PAK2: variants seen among roughly 807,000 people sequenced by gnomAD.
PAK2 encodes p21 (RAC1) activated kinase 2, also known as serine/threonine-protein kinase PAK 2.
A neutral mutation model predicts 65.9 loss-of-function variants in PAK2; 21 were observed. That is an observed-to-expected ratio of 0.32 (90% CI 0.23 to 0.46). The LOEUF (loss-of-function observed/expected upper bound fraction) is 0.46, where lower values mean the gene tolerates loss of function less well. Among genes scored for constraint, PAK2 ranks in the 20% least tolerant of loss-of-function variants. The pLI is 1.00. For synonymous variants in PAK2, 204 were observed against 219.7 expected, an observed-to-expected ratio of 0.93 and a Z score of 0.63; for missense variants, 324 against 642.6, an observed-to-expected ratio of 0.50 and a Z score of 5.36.
At chr3:196,822,532 A>T (rs900292638) in intron 13 of PAK2, among the ~76,000 whole-genome samples, 5 of 152,074 alleles carry the variant, frequency 3.3e-5, no homozygotes, top group East Asian at 1.9e-4. Flanking sequence ...CTACAAAAAA[A>T]TTTAAAAATT....
intron 1 of PAK2, among the ~76,000 whole-genome samples, chr3:196,742,457 A>C (rs1326291454): frequency 6.6e-6 from 1 of 152,212 alleles, no homozygotes; most frequent in Admixed American, 6.5e-5. Flanking sequence ...TAAACTTTCA[A>C]TTATACTTTT....
chr3:196,769,209 G>T (rs1391070729), intron 1 of PAK2, among the ~76,000 whole-genome samples: 1 of 151,326 alleles, frequency 6.6e-6, no homozygotes. Context: ...CGCCTGTGGT[G>T]CCAACCACTC....
intron 1 of PAK2, among the ~76,000 whole-genome samples, chr3:196,753,631 C>T (rs1713681658): frequency 6.6e-6 from 1 of 152,192 alleles, no homozygotes; most frequent in African/African-American, 2.4e-5. Context: ...ATCTAGTGTA[C>T]ATTTTCAGCT....
chr3:196,748,128 CTT>C (rs139022862), intron 1 of PAK2, among the ~76,000 whole-genome samples: 10,591 of 152,180 alleles, frequency 0.07, 542 homozygotes, highest in African/African-American at 0.15. Flanking sequence ...GTGTCACTCT[CTT>C]ATTTCTAATG....
intron 2 of PAK2, among the ~76,000 whole-genome samples, chr3:196,786,032 A>G (rs1577720805): frequency 1.3e-5 from 2 of 152,250 alleles, no homozygotes; most frequent in East Asian, 3.9e-4. Flanking sequence ...CTTGTAGTCT[A>G]TACACTAATC....
rs559971511 is a variant in PAK2, at chr3:196,763,777, C to T, written c.-21-18849C>T. 2.6e-5 allele frequency among the ~76,000 whole-genome samples: 4 copies of T among 152,260 alleles called. No homozygotes were observed. In the South Asian group the frequency reaches 8.3e-4, roughly 31 times the overall value. ...AAAGGAAAGGCACTCAGATCACTGT[C>T]TACAAAGAGATCCAGTGTTAATTGC... is the stretch of plus-strand genomic sequence containing the variant. On this transcript the variant is annotated intron_variant, in intron 1 of 14. Transcript: ENST00000327134.
chr3:196,774,641 G>C (rs1365074064), intron 1 of PAK2, among the ~76,000 whole-genome samples: 2 of 152,224 alleles, frequency 1.3e-5, no homozygotes, highest in East Asian at 3.8e-4. Context: ...GCAGTCACGT[G>C]AGATGAAATT....
chr3:196,744,399 G>A (rs562866266), intron 1 of PAK2, among the ~76,000 whole-genome samples: 1 of 152,016 alleles, frequency 6.6e-6, no homozygotes, highest in African/African-American at 2.4e-5. Context: ...GTTCAAACAA[G>A]TCAATTAAAT....
In PAK2 at chr3:196,775,660, C is replaced by T. The variant is rs117899313; in HGVS notation, c.-21-6966C>T. ...CTTCCCAAAGTGCTGAGATTACAGG[C>T]GTGAGCCACCGAAGGATAACCAAAA... On this transcript the variant is annotated intron_variant, in intron 1 of 14. Coordinates refer to ENST00000327134, the MANE Select transcript of PAK2 (RefSeq NM_002577.4). Among the ~76,000 whole-genome samples the T allele has an allele frequency of 7.2e-5, 11 of 152,246 alleles. No homozygotes were observed. In the East Asian group the frequency reaches 1.4e-3, roughly 19 times the overall value.
rs2084382 is a variant in PAK2 at position 196,820,575 on chromosome 3, G to C, written c.1350+8G>C. 0.34 allele frequency: 510,475 copies of C among 1,479,828 alleles called. 92,163 individuals carry two copies. The highest frequency in any genetic ancestry group is 0.6 in the African/African-American group (42,654 of 71,248). The allele number at this position is 1,479,828 out of a possible 1,614,324, so 91.7% of individuals were successfully genotyped here. Reference sequence around the variant, plus strand: ...AATGAAAATCCCTTGAGGGTAAGATGAGTTAAACACCAGCCTTGTTCAATG... The same window carrying C: ...AATGAAAATCCCTTGAGGGTAAGATCAGTTAAACACCAGCCTTGTTCAATG... On this transcript the variant is annotated splice_region_variant and intron_variant, in intron 13 of 14. Coordinates refer to ENST00000327134, the MANE Select transcript of PAK2 (RefSeq NM_002577.4). The surrounding 1 kb of genome is among the most constrained non-coding windows in gnomAD (Gnocchi z 4.6).
intron 14 of PAK2, among the ~76,000 whole-genome samples, chr3:196,828,038 C>T (rs967612216): frequency 5.5e-5 from 8 of 146,434 alleles, no homozygotes; most frequent in Admixed American, 2.8e-4. Flanking sequence ...GTTTGTGCAT[C>T]GTATCAATCC....
chr3:196,804,432 C>T (rs1472620318), intron 4 of PAK2, among the ~76,000 whole-genome samples: 1 of 151,842 alleles, frequency 6.6e-6, no homozygotes, highest in East Asian at 1.9e-4. Flanking sequence ...AGTACACATA[C>T]ATACATATAT....
chr3:196,778,086 T>C (rs1714592842), intron 1 of PAK2, among the ~76,000 whole-genome samples: 1 of 152,178 alleles, frequency 6.6e-6, no homozygotes, highest in Admixed American at 6.5e-5. Flanking sequence ...CAGCCGTGTT[T>C]ATGAACTAAA....
At chr3:196,764,841 CTTTTTTTTTTT>C (rs57199433) in intron 1 of PAK2, among the ~76,000 whole-genome samples, 1 of 107,640 alleles carries the variant, frequency 9.3e-6, no homozygotes, top group Non-Finnish European at 1.9e-5. Flanking sequence ...TCTTTTCTTT[CTTTTTTTTTTT>C]TTTTTTTTGA....
intron 2 of PAK2, among the ~76,000 whole-genome samples, chr3:196,784,335 C>T (rs1436670763): frequency 1.8e-5 from 2 of 112,600 alleles, no homozygotes; most frequent in Non-Finnish European, 3.6e-5. Flanking sequence ...ACTAACTCGT[C>T]ATCTAGCATT....
rs1412456107 is a variant in PAK2 at position 196,762,413 on chromosome 3, C to T, written c.-21-20213C>T. On this transcript the variant is annotated intron_variant, in intron 1 of 14. Coordinates refer to ENST00000327134, the MANE Select transcript of PAK2 (RefSeq NM_002577.4). ...GCACTCCAGCCTGGGCACCATTGAGCACTGAGTGAACGAGACTCCGTCTGC... is the reference window on the plus strand; with the variant it reads ...GCACTCCAGCCTGGGCACCATTGAGTACTGAGTGAACGAGACTCCGTCTGC... Among the ~76,000 whole-genome samples the T allele has an allele frequency of 3.9e-3, 553 of 141,816 alleles. 1 individual carries two copies. The highest frequency in any genetic ancestry group is 0.013 in the African/African-American group (485 of 38,620). The allele number at this position is 141,816 out of a possible 152,430, so 93.0% of individuals were successfully genotyped here. A position where few individuals can be genotyped will look rare whatever the true frequency, so the allele number is the denominator to read the frequency against.
rs1560113992 is a variant in PAK2, at chr3:196,811,357, C to CCTTCCTTCCCTT, written c.773+705_773+706insTTCCTTCCCTTC. On this transcript the variant is annotated intron_variant, in intron 8 of 14. Coordinates refer to ENST00000327134, the MANE Select transcript of PAK2 (RefSeq NM_002577.4). ...CCTCCCTTCCCTCCCTTCCTTCCCT[C>CCTTCCTTCCCTT]CCTTCCCTTCCTTCTCTTCCTTCCT... Among the ~76,000 whole-genome samples, 5 of 5,206 alleles carry CCTTCCTTCCCTT rather than the reference C, an allele frequency of 9.6e-4. 2 individuals carry two copies. Among genetic ancestry groups the CCTTCCTTCCCTT allele is most frequent in the African/African-American group, 5.3e-3 (5 of 936 alleles). The allele number at this position is 5,206 out of a possible 152,430, so 3.4% of individuals were successfully genotyped here. A position where few individuals can be genotyped will look rare whatever the true frequency, so the allele number is the denominator to read the frequency against.
In PAK2 at chr3:196,809,274, C is replaced by A. The variant is rs147770769; in HGVS notation, c.710-1316C>A. Reference sequence around the variant, plus strand: ...AAAAAATAAACAAATGTTTATATGCCCCATGTTTATTTGGTTTTGATTTCT... The same window carrying A: ...AAAAAATAAACAAATGTTTATATGCACCATGTTTATTTGGTTTTGATTTCT... On this transcript the variant is annotated intron_variant, in intron 7 of 14. Coordinates refer to ENST00000327134, the MANE Select transcript of PAK2 (RefSeq NM_002577.4). 1.9e-4 allele frequency among the ~76,000 whole-genome samples: 29 copies of A among 150,642 alleles called. No homozygotes were observed. The East Asian group carries it at 5.5e-3, about 28-fold the overall frequency.
intron 7 of PAK2, among the ~76,000 whole-genome samples, chr3:196,809,093 A>AG (rs1342269565): frequency 2.6e-5 from 4 of 151,054 alleles, no homozygotes; most frequent in Admixed American, 6.6e-5. Context: ...AAAGAAAAAA[A>AG]GAAAATTAAC....
Sources: allele counts gnomAD v4.1 joint callset (sites outside exome capture counted in the v4.1 genomes callset), GRCh38; gene constraint gnomAD v4.1.1; non-coding constraint Gnocchi (gnomAD v3.1); transcripts MANE v1.5; gene names NCBI Gene and HGNC (gene_info 2026-07-23, HGNC 2026-07-21).